The following TSPAN18 variants were observed in gnomAD, a reference collection of about 807,000 sequenced individuals.
TSPAN18 encodes tetraspanin 18, also known as tetraspanin-18.
In TSPAN18, 14 loss-of-function variants were observed where a neutral mutation model predicts 27.3. That is an observed-to-expected ratio of 0.51 (90% CI 0.34 to 0.80). The LOEUF (loss-of-function observed/expected upper bound fraction) is 0.80. Ranked by LOEUF, TSPAN18 falls within the 30% of genes least tolerant of loss-of-function variation. The pLI is 0.01. For missense variants in TSPAN18, 268 were observed against 323.9 expected (o/e 0.83, Z 1.32); for synonymous variants, 143 against 136.5 (o/e 1.05, Z -0.33).
intron 1 of TSPAN18, among the ~76,000 whole-genome samples, chr11:44,744,460 T>C (rs1855023838): frequency 6.6e-6 from 1 of 152,186 alleles, no homozygotes; most frequent in African/African-American, 2.4e-5. Flanking sequence ...AGAAACTCCA[T>C]GGAGTGGGGA....
intron 3 of TSPAN18, among the ~76,000 whole-genome samples, chr11:44,885,680 A>T (rs1401649495): frequency 6.6e-6 from 1 of 152,102 alleles, no homozygotes; most frequent in Non-Finnish European, 1.5e-5. Context: ...CCTCCTGTCC[A>T]TCTACTGAGG....
chr11:44,801,663 C>A lies in TSPAN18; in HGVS notation c.-153+37151C>A, dbSNP rs149700812. ...AACTGCCTCATTTGAATCCCAGCTC[C>A]GTTTTCCCAGTGACCTTGGAGGAGT... On this transcript the variant is annotated intron_variant, in intron 2 of 9. Coordinates refer to ENST00000520358, the MANE Select transcript of TSPAN18 (RefSeq NM_130783.5). Among the ~76,000 whole-genome samples, 29 of 152,326 alleles carry A rather than the reference C, an allele frequency of 1.9e-4. No homozygotes were observed. In the East Asian group the frequency reaches 5.2e-3, roughly 27 times the overall value.
In TSPAN18 at chr11:44,728,620, C is replaced by A. The variant is rs535473088; in HGVS notation, c.-240+1333C>A. On this transcript the variant is annotated intron_variant, in intron 1 of 9. Coordinates refer to ENST00000520358, the MANE Select transcript of TSPAN18 (RefSeq NM_130783.5). The stretch of plus-strand genomic sequence containing the variant: ...GTCAACGAGCCCTGGCCCCCACCCT[C>A]ATCCCCTGGGTCTGTGGTCTCTAGG... Among the ~76,000 whole-genome samples the A allele has an allele frequency of 4.6e-5, 7 of 152,148 alleles. No homozygotes were observed. In the East Asian group the frequency reaches 1.3e-3, roughly 29 times the overall value.
chr11:44,812,392 T>A (rs749149068), intron 2 of TSPAN18, among the ~76,000 whole-genome samples: 4 of 152,178 alleles, frequency 2.6e-5, no homozygotes, highest in Admixed American at 6.5e-5. Context: ...CCTCCTTCCT[T>A]CCTGCTGTGT....
chr11:44,833,728 C>T (rs969184590), intron 2 of TSPAN18, among the ~76,000 whole-genome samples: 2 of 151,886 alleles, frequency 1.3e-5, no homozygotes, highest in Non-Finnish European at 2.9e-5. Context: ...GAGAAGATGC[C>T]GGCAACTGCA....
intron 2 of TSPAN18, among the ~76,000 whole-genome samples, chr11:44,823,004 A>G (rs1348300726): frequency 1.3e-5 from 2 of 152,248 alleles, no homozygotes; most frequent in East Asian, 3.8e-4. Flanking sequence ...AATGAGGATC[A>G]GCAAGACACT....
At chr11:44,748,659 C>T (rs775908435) in intron 1 of TSPAN18, among the ~76,000 whole-genome samples, 5 of 152,206 alleles carry the variant, frequency 3.3e-5, no homozygotes, top group Non-Finnish European at 5.9e-5. Context: ...TTACTCTTCA[C>T]TTTAGAGAAG....
intron 3 of TSPAN18, among the ~76,000 whole-genome samples, chr11:44,894,497 G>A (rs902323101): frequency 5.3e-5 from 8 of 152,228 alleles, no homozygotes; most frequent in Non-Finnish European, 1.0e-4. Flanking sequence ...TAAAAGGAGT[G>A]ATTTATGAAC....
At chr11:44,734,169 C>A (rs1854731709) in intron 1 of TSPAN18, among the ~76,000 whole-genome samples, 1 of 152,266 alleles carries the variant, frequency 6.6e-6, no homozygotes, top group East Asian at 1.9e-4. Context: ...GCCTGAGGCC[C>A]TCTCCAGAAG....
At chr11:44,832,463 T>C (rs867934663) in intron 2 of TSPAN18, among the ~76,000 whole-genome samples, 1 of 152,152 alleles carries the variant, frequency 6.6e-6, no homozygotes, top group African/African-American at 2.4e-5. Flanking sequence ...CCAGTTTCTG[T>C]TTCCAATTCT....
At chr11:44,732,262 T>C (rs1268111256) in intron 1 of TSPAN18, among the ~76,000 whole-genome samples, 1 of 152,242 alleles carries the variant, frequency 6.6e-6, no homozygotes, top group Non-Finnish European at 1.5e-5. Flanking sequence ...ATGATTATCA[T>C]GGGGCAGACA....
intron 1 of TSPAN18, among the ~76,000 whole-genome samples, chr11:44,758,232 A>G (rs866557452): frequency 6.6e-6 from 1 of 152,138 alleles, no homozygotes; most frequent in South Asian, 2.1e-4. Flanking sequence ...TAGTTTTCTT[A>G]TATTTTTAGT....
At chr11:44,783,014 A>G (rs758414340) in intron 2 of TSPAN18, among the ~76,000 whole-genome samples, 3 of 152,046 alleles carry the variant, frequency 2.0e-5, no homozygotes, top group Non-Finnish European at 2.9e-5. Flanking sequence ...TTTTTAGTAG[A>G]GATGGCGTTT....
intron 2 of TSPAN18, among the ~76,000 whole-genome samples, chr11:44,816,665 C>G (rs1383679918): frequency 1.3e-5 from 2 of 152,224 alleles, no homozygotes; most frequent in African/African-American, 4.8e-5. Context: ...CTGGTGCTGA[C>G]TGGTAGCTTC....
chr11:44,904,490 T>C (rs1409740745), intron 3 of TSPAN18, among the ~76,000 whole-genome samples: 1 of 152,220 alleles, frequency 6.6e-6, no homozygotes, highest in African/African-American at 2.4e-5. Flanking sequence ...ATCTGGCACC[T>C]TGGCAGAAAC....
intron 2 of TSPAN18, among the ~76,000 whole-genome samples, chr11:44,810,662 C>G (rs1856694146): frequency 6.7e-6 from 1 of 148,468 alleles, no homozygotes; most frequent in African/African-American, 2.5e-5. Context: ...AGTGCTGTGA[C>G]TCGATCTCGG....
intron 2 of TSPAN18, among the ~76,000 whole-genome samples, chr11:44,846,462 C>G (rs558105425): frequency 6.6e-6 from 1 of 152,352 alleles, no homozygotes; most frequent in Non-Finnish European, 1.5e-5. Context: ...GCTTCTGATT[C>G]CCCTGACCTG....
At chr11:44,882,627 C>CAGAGAG (rs71449897) in intron 3 of TSPAN18, among the ~76,000 whole-genome samples, 28 of 130,690 alleles carry the variant, frequency 2.1e-4, no homozygotes, top group South Asian at 5.2e-4. Flanking sequence ...CACACACACA[C>CAGAGAG]AGAGAGAGAG....
At chr11:44,785,021 C>A (rs191689301) in intron 2 of TSPAN18, among the ~76,000 whole-genome samples, 14 of 152,294 alleles carry the variant, frequency 9.2e-5, no homozygotes, top group Admixed American at 1.3e-4. Context: ...TTTTAATCAT[C>A]CCTAACCACG....
Sources: allele counts gnomAD v4.1 joint callset (sites outside exome capture counted in the v4.1 genomes callset), GRCh38; gene constraint gnomAD v4.1.1; transcripts MANE v1.5; gene names NCBI Gene and HGNC (gene_info 2026-07-23, HGNC 2026-07-21).